Variants in ZNF148 observed in about 807,000 individuals in gnomAD.
ZNF148 encodes the protein Beta-Enolase Repressor Factor-1.
Under a neutral mutation model 67.7 loss-of-function variants are expected in ZNF148, and 7 were observed. The observed-to-expected ratio is 0.10, with a 90% CI of 0.06 to 0.19. The LOEUF (loss-of-function observed/expected upper bound fraction) is 0.19. Among genes scored for constraint, ZNF148 ranks in the 10% least tolerant of loss-of-function variants. The probability of loss-of-function intolerance (pLI) is 1.00; values close to 1 mark genes in which losing one functional copy is unlikely to be tolerated. For missense variants in ZNF148, 583 were observed against 947.1 expected (o/e 0.62, Z 5.05); for synonymous variants, 333 against 330.7 (o/e 1.01, Z -0.08).
At chr3:125,333,846 A>C (rs1473435027) in intron 1 of ZNF148, among the ~76,000 whole-genome samples, 4 of 152,244 alleles carry the variant, frequency 2.6e-5, no homozygotes, top group African/African-American at 9.6e-5. Context: ...CTAAACGCCT[A>C]TGCCTTCTGC....
rs1370300356 is a variant in ZNF148, at chr3:125,231,256, A to C, written c.*1085T>G. On this transcript the variant is annotated 3_prime_UTR_variant, in exon 9 of 9. Transcript: ENST00000360647. The stretch of plus-strand genomic sequence containing the variant: ...ATCTATCAAGAGTCTAGAAAGAAAA[A>C]GATTAAACCAGGTTTTACAGTTCCA... 1 of 152,534 alleles carries C rather than the reference A, an allele frequency of 6.6e-6. No individual in the cohort carries two copies. Among genetic ancestry groups the C allele is most frequent in the Non-Finnish European group, 1.5e-5 (1 of 67,960 alleles). 9.4% of individuals were successfully genotyped at this position (152,534 alleles called of 1,614,324 possible). A position where few individuals can be genotyped will look rare whatever the true frequency, so the allele number is the denominator to read the frequency against.
chr3:125,327,010 A>G (rs995474366), intron 2 of ZNF148, among the ~76,000 whole-genome samples: 9 of 151,866 alleles, frequency 5.9e-5, no homozygotes, highest in Non-Finnish European at 7.4e-5. Flanking sequence ...TTCCAACTAT[A>G]TGCTGTCAAC....
chr3:125,258,985 C>T (rs1449211789), intron 7 of ZNF148, among the ~76,000 whole-genome samples: 1 of 151,858 alleles, frequency 6.6e-6, no homozygotes, highest in Non-Finnish European at 1.5e-5. Context: ...TTTTATATTA[C>T]AGTTAGAAAT....
intron 7 of ZNF148, among the ~76,000 whole-genome samples, chr3:125,254,040 T>C (rs551307145): frequency 1.7e-4 from 26 of 152,324 alleles, no homozygotes; most frequent in East Asian, 3.9e-4. Context: ...AGCCTGGAGA[T>C]ATGTGAAAAA....
At chr3:125,313,131 A>G (rs752091422) in intron 4 of ZNF148, among the ~76,000 whole-genome samples, 177 bp downstream of exon 4, 3 of 152,224 alleles carry the variant, frequency 2.0e-5, no homozygotes, top group Non-Finnish European at 2.9e-5. Flanking sequence ...CTAAAATAAT[A>G]TAATACAAGA....
Position 125,288,960 on chromosome 3 carries a change from CAG to C in ZNF148, c.334-734_334-733del, listed in dbSNP as rs1046226956. Among the ~76,000 whole-genome samples, 33 of 152,266 alleles carry C rather than the reference CAG, an allele frequency of 2.2e-4. 1 individual carries two copies. The highest frequency in any genetic ancestry group is 7.7e-4 in the African/African-American group (32 of 41,560). ...TCTTCAATTTTCAGATCTTAATTCT[CAG>C]AGTTACTTGTCCTTAAAGAAAGAAA... On this transcript the variant is annotated intron_variant, in intron 4 of 8. Coordinates refer to ENST00000360647, the MANE Select transcript of ZNF148 (RefSeq NM_021964.3).
chr3:125,318,328 T>A (rs1184025618), intron 3 of ZNF148, among the ~76,000 whole-genome samples: 1 of 152,180 alleles, frequency 6.6e-6, no homozygotes, highest in African/African-American at 2.4e-5. Flanking sequence ...CACACTAATA[T>A]GTAAATAATT....
intron 1 of ZNF148, among the ~76,000 whole-genome samples, chr3:125,348,480 C>CA (rs35810148): frequency 0.42 from 25,207 of 60,518 alleles, 4,144 homozygotes; most frequent in Non-Finnish European, 0.46. Flanking sequence ...GACCCTGTCT[C>CA]AAAAAAAAAA....
intron 7 of ZNF148, among the ~76,000 whole-genome samples, chr3:125,241,150 C>T (rs1230930170): frequency 1.3e-5 from 2 of 151,470 alleles, no homozygotes; most frequent in East Asian, 1.9e-4. Context: ...TTAAGGATCC[C>T]TATTTATGGA....
At chr3:125,318,766 G>C (rs1001981417) in intron 3 of ZNF148, among the ~76,000 whole-genome samples, 1 of 152,170 alleles carries the variant, frequency 6.6e-6, no homozygotes, top group African/African-American at 2.4e-5. Flanking sequence ...ACCCAGAGCA[G>C]AGAATGATGA....
intron 7 of ZNF148, among the ~76,000 whole-genome samples, chr3:125,237,568 T>A (rs1430287482): frequency 6.6e-6 from 1 of 151,826 alleles, no homozygotes; most frequent in African/African-American, 2.4e-5. Flanking sequence ...GGTGACAGAG[T>A]GAGACCCCAT....
chr3:125,356,309 C>T (rs1251760165), intron 1 of ZNF148, among the ~76,000 whole-genome samples: 1 of 152,154 alleles, frequency 6.6e-6, no homozygotes, highest in Non-Finnish European at 1.5e-5. Context: ...GATTGGTCAC[C>T]AGACTGGGCA....
intron 5 of ZNF148, among the ~76,000 whole-genome samples, chr3:125,286,341 A>G: frequency 6.6e-6 from 1 of 152,192 alleles, no homozygotes; most frequent in East Asian, 1.9e-4. Flanking sequence ...TAGTGTGACC[A>G]GAAACTAAAG....
chr3:125,353,552 G>A lies in ZNF148; in HGVS notation c.-234+21550C>T, dbSNP rs920227591. ...ATTTATTAAGATGTCTGGGTGAAGGGTACACAGGACTATGTACTAATTTTG... is the reference window on the plus strand; with the variant it reads ...ATTTATTAAGATGTCTGGGTGAAGGATACACAGGACTATGTACTAATTTTG... On this transcript the variant is annotated intron_variant, in intron 1 of 8. Transcript: ENST00000360647. 4.6e-5 allele frequency among the ~76,000 whole-genome samples: 7 copies of A among 151,986 alleles called. No homozygotes were observed. The South Asian group carries it at 1.5e-3, about 32-fold the overall frequency.
At chr3:125,253,670 CTACT>C (rs1227455089) in intron 7 of ZNF148, among the ~76,000 whole-genome samples, 19 of 152,068 alleles carry the variant, frequency 1.2e-4, no homozygotes, top group African/African-American at 1.9e-4. Context: ...TTCTACCTAC[CTACT>C]GAGATAAAAT....
At chr3:125,351,872 T>C (rs1942165469) in intron 1 of ZNF148, among the ~76,000 whole-genome samples, 1 of 152,300 alleles carries the variant, frequency 6.6e-6, no homozygotes, top group African/African-American at 2.4e-5. Flanking sequence ...AGCATAGCTA[T>C]AATCAAAAAG....
chr3:125,264,214 A>G (rs1937471376), intron 7 of ZNF148, among the ~76,000 whole-genome samples: 1 of 152,206 alleles, frequency 6.6e-6, no homozygotes, highest in Admixed American at 6.5e-5. Context: ...GTTATAGCAA[A>G]TTATCCAAAC....
chr3:125,359,360 T>C (rs575427984), intron 1 of ZNF148, among the ~76,000 whole-genome samples: 2 of 152,362 alleles, frequency 1.3e-5, no homozygotes, highest in South Asian at 4.1e-4. Flanking sequence ...TGCCTTGTCA[T>C]ATTTTTCTCA....
chr3:125,241,008 A>G (rs993086171), intron 7 of ZNF148, among the ~76,000 whole-genome samples: 6 of 117,828 alleles, frequency 5.1e-5, no homozygotes, highest in African/African-American at 1.6e-4. Context: ...CCTTTAGTAC[A>G]TATTTCCTTC....
Sources: allele counts gnomAD v4.1 joint callset (sites outside exome capture counted in the v4.1 genomes callset), GRCh38; gene constraint gnomAD v4.1.1; transcripts MANE v1.5; gene names NCBI Gene and HGNC (gene_info 2026-07-23, HGNC 2026-07-21).